The following CELA3A variants were observed in gnomAD, a reference collection of about 807,000 sequenced individuals.
The protein encoded by CELA3A is chymotrypsin like elastase 3A.
CELA3A carries 35 observed loss-of-function variants against 38.6 expected under a neutral mutation model. The observed-to-expected ratio is 0.91, with a 90% CI of 0.69 to 1.20. CELA3A has a LOEUF of 1.20. CELA3A is among the 50% of genes most tolerant of loss of function. CELA3A has a pLI of 0.00. For synonymous variants in CELA3A, 143 were observed against 136.7 expected (o/e 1.05, Z -0.32); for missense variants, 343 against 354.2 (o/e 0.97, Z 0.25).
intron 1 of CELA3A, 103 bp downstream of exon 1, chr1:22,001,820 C>T: frequency 6.6e-7 from 1 of 1,506,710 alleles, no homozygotes; most frequent in South Asian, 1.1e-5. Flanking sequence ...TGCCTGGTTC[C>T]ACAGGAGGGG....
intron 2 of CELA3A, among the ~76,000 whole-genome samples, chr1:22,004,026 G>C (rs543162655): frequency 6.7e-6 from 1 of 149,036 alleles, no homozygotes; most frequent in East Asian, 2.0e-4. Context: ...CATTAAAAAT[G>C]TTAACAATTC....
intron 2 of CELA3A, among the ~76,000 whole-genome samples, chr1:22,004,303 G>A (rs1644936025): frequency 6.6e-6 from 1 of 150,728 alleles, no homozygotes; most frequent in East Asian, 2.0e-4. Flanking sequence ...GAACTTCTGA[G>A]CTCCAGTGAT....
chr1:22,005,702 C>A lies in CELA3A; in HGVS notation c.268C>A (p.Leu90Ile), dbSNP rs1387168811. 2.5e-6 allele frequency: 4 copies of A among 1,612,432 alleles called. No homozygotes were observed. In the South Asian group the frequency reaches 4.4e-5, roughly 18 times the overall value. ...TYQVVLGEYN[L>I]AVKEGPEQVI... is the part of the protein sequence containing the mutation. ...CCAGGTGGTGTTGGGTGAGTACAAC[C>A]TTGCTGTGAAGGAGGGCCCCGAGCA... The change falls in exon 4 of 8, where the codon CTT (leucine) becomes ATT (isoleucine). Residue 90 changes from leucine to isoleucine, a missense_variant. Coordinates refer to ENST00000290122, the MANE Select transcript of CELA3A (RefSeq NM_005747.5).
intron 1 of CELA3A, chr1:22,002,489 T>C (rs1315588775): frequency 2.2e-6 from 1 of 453,862 alleles, no homozygotes; most frequent in Non-Finnish European, 4.4e-6. Context: ...CATGCCACCA[T>C]ACCTGGCTAC....
chr1:22,003,296 T>C (rs1408972025), intron 2 of CELA3A, among the ~76,000 whole-genome samples: 2 of 151,128 alleles, frequency 1.3e-5, no homozygotes, highest in African/African-American at 4.9e-5. Flanking sequence ...AACTTAAAAT[T>C]GGAATCGGGG....
intron 1 of CELA3A, 124 bp downstream of exon 1, chr1:22,001,841 G>T: frequency 7.4e-7 from 1 of 1,356,338 alleles, no homozygotes; most frequent in Non-Finnish European, 1.1e-6. Flanking sequence ...GTCTCAGCTT[G>T]TACCCGGGGG....
In CELA3A at chr1:22,005,709, T is replaced by C. The variant is rs374501824; in HGVS notation, c.275T>C (p.Val92Ala). ...GTGTTGGGTGAGTACAACCTTGCTG[T>C]GAAGGAGGGCCCCGAGCAGGTGATC... Reference protein sequence around the residue: ...QVVLGEYNLAVKEGPEQVIPI... With the variant: ...QVVLGEYNLAAKEGPEQVIPI... The change falls in exon 4 of 8, where the codon GTG (valine) becomes GCG (alanine). Residue 92 changes from valine to alanine, a missense_variant. Transcript: ENST00000290122. 1 of 1,612,208 alleles carries C rather than the reference T, an allele frequency of 6.2e-7. No homozygotes were observed. Among genetic ancestry groups the C allele is most frequent in the Non-Finnish European group, 8.5e-7 (1 of 1,179,422 alleles).
rs1382977695 is a variant in CELA3A at position 22,002,053 on chromosome 1, T to TCA, written c.43+338_43+339dup. 3.4e-4 allele frequency among the ~76,000 whole-genome samples: 52 copies of TCA among 151,126 alleles called. 1 individual carries two copies. The South Asian group carries it at 5.4e-3, about 16-fold the overall frequency. ...TCTACTTACCACTCCAACTCTCCTC[T>TCA]CACTCCCCCTACCTGGCTCCATATT... On this transcript the variant is annotated intron_variant, in intron 1 of 7. Coordinates refer to ENST00000290122, the MANE Select transcript of CELA3A (RefSeq NM_005747.5).
chr1:22,001,841 G>A (rs1358775809), intron 1 of CELA3A, 124 bp downstream of exon 1: 3 of 1,356,218 alleles, frequency 2.2e-6, no homozygotes, highest in East Asian at 4.7e-5. Flanking sequence ...GTCTCAGCTT[G>A]TACCCGGGGG....
chr1:22,009,450 CAGG>C (rs1262747334), intron 6 of CELA3A, among the ~76,000 whole-genome samples: 1 of 151,208 alleles, frequency 6.6e-6, no homozygotes, highest in Non-Finnish European at 1.5e-5. Flanking sequence ...GAGGCTGAAG[CAGG>C]AGAATCACTT....
chr1:22,003,773 T>C (rs984375556), intron 2 of CELA3A, among the ~76,000 whole-genome samples: 3 of 151,148 alleles, frequency 2.0e-5, no homozygotes, highest in African/African-American at 7.3e-5. Context: ...TGGCACAATC[T>C]TGGCTCACTG....
intron 4 of CELA3A, among the ~76,000 whole-genome samples, chr1:22,006,345 C>A (rs1644949878): frequency 6.6e-6 from 1 of 151,154 alleles, no homozygotes; most frequent in South Asian, 2.1e-4. Flanking sequence ...CAATCTTATG[C>A]CTTTCAAGTG....
chr1:22,009,706 G>C lies in CELA3A; in HGVS notation c.644G>C (p.Gly215Ala). 1 of 1,611,862 alleles carries C rather than the reference G, an allele frequency of 6.2e-7. No homozygotes were observed. The highest frequency in any genetic ancestry group is 1.1e-5 in the South Asian group (1 of 90,982). ...CCCACTCCTCTCTGACGGTTCCAGG[G>C]TGACTCTGGAGGACCCCTCAACTGC... ...AGGYIRSGCN[G>A]DSGGPLNCPT... The change falls in exon 7 of 8, where the codon GGT becomes GCT. Residue 215 changes from glycine to alanine, a missense_variant and splice_region_variant. By Grantham distance (60) the Gly-to-Ala change is moderately conservative. Transcript: ENST00000290122.
intron 1 of CELA3A, chr1:22,002,550 C>T (rs750387197): frequency 2.6e-6 from 1 of 382,544 alleles, no homozygotes; most frequent in Admixed American, 3.0e-5. Flanking sequence ...GCTATGTTGC[C>T]CAGGCTGGTC....
chr1:22,002,877 A>G, intron 1 of CELA3A, 126 bp from the exon 2 acceptor site: 1 of 833,648 alleles, frequency 1.2e-6, no homozygotes, highest in Non-Finnish European at 1.9e-6. Flanking sequence ...ACTGAGGTCC[A>G]GAGGGCGAAA....
At chr1:22,006,776 A>T in intron 4 of CELA3A, 102 bp from the exon 5 acceptor site, 1 of 1,462,398 alleles carries the variant, frequency 6.8e-7, no homozygotes, top group Non-Finnish European at 9.2e-7. Flanking sequence ...AGGGTAAAGA[A>T]GTTGGGGCAT....
At chr1:22,006,113 C>A (rs1394903825) in intron 4 of CELA3A, 2 of 352,780 alleles carry the variant, frequency 5.7e-6, no homozygotes. Context: ...ATCCTTCCCC[C>A]ATATCCGAGG....
chr1:22,003,191 C>G, intron 2 of CELA3A, 103 bp downstream of exon 2: 2 of 1,162,440 alleles, frequency 1.7e-6, no homozygotes, highest in Non-Finnish European at 1.2e-6. Context: ...TTTGCAATGT[C>G]CACTTCAGCT....
At chr1:22,002,551 C>T (rs1644924407) in intron 1 of CELA3A, 1 of 455,148 alleles carries the variant, frequency 2.2e-6, no homozygotes, top group African/African-American at 2.0e-5. Context: ...CTATGTTGCC[C>T]AGGCTGGTCT....
Sources: gnomAD v4.1 joint callset for allele counts (sites outside exome capture counted in the v4.1 genomes callset) on GRCh38, gnomAD v4.1.1 for gene constraint, MANE v1.5 for transcripts, NCBI Gene and HGNC (gene_info 2026-07-23, HGNC 2026-07-21) for gene names.